Variants in SLC45A4 observed in about 807,000 individuals in gnomAD.
SLC45A4 encodes the protein solute carrier family 45 member 4.
SLC45A4 carries 32 observed loss-of-function variants against 63.7 expected under a neutral mutation model. That is an observed-to-expected ratio of 0.50 (90% CI 0.38 to 0.67). The LOEUF (loss-of-function observed/expected upper bound fraction) is 0.67, where lower values mean the gene tolerates loss of function less well. Among genes scored for constraint, SLC45A4 ranks in the 30% least tolerant of loss-of-function variants. The pLI, the probability that SLC45A4 is intolerant of heterozygous loss-of-function variation, is 0.00. For synonymous variants in SLC45A4, 535 were observed against 510.0 expected (o/e 1.05, Z -0.66); for missense variants, 1,027 against 1,157.7 (o/e 0.89, Z 1.64).
At chr8:141,245,639 G>T (rs1423222295) in intron 2 of SLC45A4, among the ~76,000 whole-genome samples, 1 of 152,112 alleles carries the variant, frequency 6.6e-6, no homozygotes, top group Non-Finnish European at 1.5e-5. Context: ...CCAACCTGCC[G>T]CTCAGAGGAG....
intron 1 of SLC45A4, among the ~76,000 whole-genome samples, chr8:141,282,198 C>T (rs1829978429): frequency 6.6e-6 from 1 of 152,198 alleles, no homozygotes. Context: ...CAACCTCGAA[C>T]CTGCAGGGTA....
chr8:141,244,953 T>TA, intron 2 of SLC45A4, among the ~76,000 whole-genome samples: 1 of 27,762 alleles, frequency 3.6e-5, no homozygotes, highest in East Asian at 4.5e-4. Context: ...CAAGAAGACG[T>TA]GGGTGGGGGG....
chr8:141,244,457 G>A (rs753153125), intron 2 of SLC45A4, among the ~76,000 whole-genome samples: 1 of 152,212 alleles, frequency 6.6e-6, no homozygotes, highest in Non-Finnish European at 1.5e-5. Context: ...CACTGGGCAT[G>A]GGAACAAAGG....
In SLC45A4 at chr8:141,229,932, C is replaced by T; in HGVS notation, c.242-8167G>A. The stretch of plus-strand genomic sequence containing the variant: ...TTAAAGGAGAACATGGTGCGCACAG[C>T]TCAGCGCTGGACACTAGATCCCTGC... On this transcript the variant is annotated intron_variant, in intron 2 of 8. Coordinates refer to ENST00000517878, the MANE Select transcript of SLC45A4 (RefSeq NM_001286646.2). The surrounding 1 kb of genome is among the most constrained non-coding windows in gnomAD (Gnocchi z 5.0). 2.5e-6 allele frequency: 1 copy of T among 400,680 alleles called. No individual in the cohort carries two copies. Among genetic ancestry groups the T allele is most frequent in the South Asian group, 1.8e-5 (1 of 54,892 alleles). 24.8% of individuals were successfully genotyped at this position (400,680 alleles called of 1,614,324 possible). A position where few individuals can be genotyped will look rare whatever the true frequency, so the allele number is the denominator to read the frequency against.
At chr8:141,217,959 G>C in intron 5 of SLC45A4, 52 bp downstream of exon 5, 2 of 1,529,560 alleles carry the variant, frequency 1.3e-6, no homozygotes, top group Non-Finnish European at 1.8e-6. Context: ...GCTTCTCCGT[G>C]AGCCGCAGGT....
intron 2 of SLC45A4, among the ~76,000 whole-genome samples, chr8:141,236,577 C>G (rs960765232): frequency 3.3e-5 from 5 of 152,202 alleles, no homozygotes; most frequent in African/African-American, 9.7e-5. Flanking sequence ...ATGTACCTAT[C>G]CTTCTGTAAG....
intron 2 of SLC45A4, among the ~76,000 whole-genome samples, chr8:141,222,342 C>T (rs1826697790): frequency 6.6e-6 from 1 of 152,230 alleles, no homozygotes. Flanking sequence ...TTCTGTGTGG[C>T]CACTGAGTGG....
At chr8:141,219,154 A>G (rs1589767533) in intron 4 of SLC45A4, 125 bp from the exon 5 acceptor site, 2 of 1,094,864 alleles carry the variant, frequency 1.8e-6, no homozygotes, top group African/African-American at 3.2e-5. Flanking sequence ...CAGGGGCTGG[A>G]GAAGGAGAAA....
chr8:141,217,062 G>A lies in SLC45A4; in HGVS notation c.1729+28C>T, dbSNP rs373937456. The A allele has an allele frequency of 1.9e-6, 3 of 1,609,084 alleles. No homozygotes were observed. The African/African-American group carries it at 4.0e-5, about 22-fold the overall frequency. ...AATCACTGAGTTTTCTGGGGTGCGA[G>A]TGCTGACCTGACTTGGGGAGCTCTT... On this transcript the variant is annotated intron_variant, in intron 6 of 8. Transcript: ENST00000517878.
intron 1 of SLC45A4, among the ~76,000 whole-genome samples, chr8:141,267,779 G>A (rs1175855080): frequency 6.6e-6 from 1 of 152,226 alleles, no homozygotes. Context: ...ACACACCTAT[G>A]AGAATGGCCA....
At chr8:141,242,180 T>A (rs777421795) in intron 2 of SLC45A4, among the ~76,000 whole-genome samples, 7 of 152,032 alleles carry the variant, frequency 4.6e-5, no homozygotes, top group Non-Finnish European at 7.4e-5. Flanking sequence ...ACCCACAGAC[T>A]CAAACTTCAC....
Position 141,209,924 on chromosome 8 carries a change from C to G in SLC45A4, c.*1648G>C, listed in dbSNP as rs1825718111. 1 of 152,258 alleles carries G rather than the reference C, an allele frequency of 6.6e-6. No individual in the cohort carries two copies. The highest frequency in any genetic ancestry group is 2.4e-5 in the African/African-American group (1 of 41,460). The allele number at this position is 152,258 out of a possible 1,614,324, so 9.4% of individuals were successfully genotyped here. A position where few individuals can be genotyped will look rare whatever the true frequency, so the allele number is the denominator to read the frequency against. On this transcript the variant is annotated 3_prime_UTR_variant, in exon 9 of 9. Coordinates refer to ENST00000517878, the MANE Select transcript of SLC45A4 (RefSeq NM_001286646.2). The stretch of plus-strand genomic sequence containing the variant: ...CTGGCGAGGAATCGGCTTTGGTGAG[C>G]CCTGGATCCGGCCCCTGGGCCTTCA...
chr8:141,303,044 G>T (rs2154615494), intron 1 of SLC45A4, among the ~76,000 whole-genome samples: 1 of 148,478 alleles, frequency 6.7e-6, no homozygotes, highest in African/African-American at 2.5e-5. Context: ...GCCCCAGCTG[G>T]AGTGCAGTGT....
chr8:141,273,577 C>T (rs915765219), intron 1 of SLC45A4, among the ~76,000 whole-genome samples: 1 of 152,090 alleles, frequency 6.6e-6, no homozygotes, highest in Admixed American at 6.6e-5. Flanking sequence ...AAATGGTATC[C>T]AAACATGGAA....
rs3739237 is a variant in SLC45A4, at chr8:141,218,587, G to A, written c.1053C>T (p.Leu351=). ...PATPRSTSQE[L]AKTKLPRLAT... ...CCAGGCGGGGCAGCTTGGTCTTGGC[G>A]AGCTCCTGGCTGGTGCTGCGGGGGG... is the stretch of plus-strand genomic sequence containing the variant. The change falls in exon 5 of 9, where the codon CTC becomes CTT. Residue 351 remains leucine (L), a synonymous_variant. Transcript: ENST00000517878. 0.12 allele frequency: 188,869 copies of A among 1,613,400 alleles called. 12,016 individuals carry two copies. Among genetic ancestry groups the A allele is most frequent in the East Asian group, 0.27 (11,971 of 44,850 alleles).
At chr8:141,249,848 G>T (rs970240901) in intron 2 of SLC45A4, among the ~76,000 whole-genome samples, 9 of 152,158 alleles carry the variant, frequency 5.9e-5, no homozygotes, top group Admixed American at 2.0e-4. Context: ...TTTGTTGTCT[G>T]GACTCAATCT....
At chr8:141,224,127 C>G (rs900401038) in intron 2 of SLC45A4, among the ~76,000 whole-genome samples, 1 of 151,060 alleles carries the variant, frequency 6.6e-6, no homozygotes, top group African/African-American at 2.4e-5. Flanking sequence ...ACACAGAATT[C>G]TGGGTTAATT....
chr8:141,226,873 C>T (rs1277545081), intron 2 of SLC45A4: 3 of 152,248 alleles, frequency 2.0e-5, no homozygotes, highest in Non-Finnish European at 4.4e-5. Context: ...AGTGAGTGGT[C>T]CCGAGTATCA....
At chr8:141,216,081 C>G in intron 6 of SLC45A4, 111 bp from the exon 7 acceptor site, 1 of 930,790 alleles carries the variant, frequency 1.1e-6, no homozygotes, top group African/African-American at 1.6e-5. Flanking sequence ...TCCACTCCTT[C>G]CAGCTGAACC....
Sources: allele counts gnomAD v4.1 joint callset (sites outside exome capture counted in the v4.1 genomes callset), GRCh38; gene constraint gnomAD v4.1.1; non-coding constraint Gnocchi (gnomAD v3.1); transcripts MANE v1.5; gene names NCBI Gene and HGNC (gene_info 2026-07-23, HGNC 2026-07-21).